Variants in CMC1 observed in about 807,000 individuals in gnomAD.
The protein encoded by CMC1 is C-X9-C motif containing 1, also known as COX assembly mitochondrial protein homolog.
CMC1 carries 14 observed loss-of-function variants against 14.1 expected under a neutral mutation model. That is an observed-to-expected ratio of 0.99 (90% CI 0.66 to 1.55). CMC1 has a LOEUF of 1.55. Among genes scored for constraint, CMC1 ranks in the 40% most tolerant of loss-of-function variants. CMC1 has a pLI of 0.00. For synonymous variants in CMC1, 50 were observed against 38.4 expected (o/e 1.30, Z -1.12); for missense variants, 127 against 123.8 (o/e 1.03, Z -0.12).
intron 1 of CMC1, among the ~76,000 whole-genome samples, chr3:28,250,830 T>A (rs35496780): frequency 0.22 from 32,963 of 152,140 alleles, 3,732 homozygotes; most frequent in Middle Eastern, 0.28. Flanking sequence ...GAGGATTAAG[T>A]ACAGATATTA....
chr3:28,301,628 GT>G (rs1006947075), intron 2 of CMC1, among the ~76,000 whole-genome samples: 84 of 141,252 alleles, frequency 5.9e-4, no homozygotes, highest in African/African-American at 1.7e-3. Context: ...TATGGATGCT[GT>G]TTTTTTTTTT....
chr3:28,305,182 G>A (rs1040737276), intron 2 of CMC1, among the ~76,000 whole-genome samples: 2 of 152,188 alleles, frequency 1.3e-5, no homozygotes, highest in Non-Finnish European at 2.9e-5. Flanking sequence ...GACAACATGC[G>A]GTATTTGTCT....
At chr3:28,296,107 T>G (rs917127296) in intron 2 of CMC1, among the ~76,000 whole-genome samples, 36 of 152,214 alleles carry the variant, frequency 2.4e-4, no homozygotes, top group Admixed American at 2.2e-3. Context: ...GTTAGAAATC[T>G]GAATTACTCT....
rs113940627 is a variant in CMC1, at chr3:28,284,531, T to A, written c.109+21151T>A. 4.1e-3 allele frequency among the ~76,000 whole-genome samples: 622 copies of A among 152,260 alleles called. 9 individuals carry two copies. Among genetic ancestry groups the A allele is most frequent in the African/African-American group, 0.014 (600 of 41,562 alleles). ...ATAATTGCATTTTTTTTCCCAAAGC[T>A]TTCAAGGTGATTTGAATGTGCATCC... is the stretch of plus-strand genomic sequence containing the variant. On this transcript the variant is annotated intron_variant, in intron 2 of 3. Coordinates refer to ENST00000466830, the MANE Select transcript of CMC1 (RefSeq NM_182523.2).
chr3:28,321,819 CT>C lies in CMC1; in HGVS notation c.*2193del, dbSNP rs898832282. 8 of 151,308 alleles carry C rather than the reference CT, an allele frequency of 5.3e-5. No individual in the cohort carries two copies. The highest frequency in any genetic ancestry group is 1.2e-4 in the Non-Finnish European group (8 of 67,512). 9.4% of individuals were successfully genotyped at this position (151,308 alleles called of 1,614,324 possible). A position where few individuals can be genotyped will look rare whatever the true frequency, so the allele number is the denominator to read the frequency against. On this transcript the variant is annotated 3_prime_UTR_variant, in exon 4 of 4. Transcript: ENST00000466830. ...GTAAGTCTTACAGATGTAAATTTTACTTTAGCTAATAAGGGAGCAAGAGGAA... is the reference window on the plus strand; with the variant it reads ...GTAAGTCTTACAGATGTAAATTTTACTTAGCTAATAAGGGAGCAAGAGGAA...
At chr3:28,302,779 T>C (rs1680918971) in intron 2 of CMC1, among the ~76,000 whole-genome samples, 1 of 152,190 alleles carries the variant, frequency 6.6e-6, no homozygotes, top group African/African-American at 2.4e-5. Context: ...CCTTATTCTT[T>C]CCTGTGGTAG....
intron 1 of CMC1, among the ~76,000 whole-genome samples, chr3:28,248,771 A>G (rs950315030): frequency 3.9e-5 from 6 of 151,952 alleles, no homozygotes; most frequent in Non-Finnish European, 7.4e-5. Context: ...CTCCCCGACA[A>G]TCCTCTGTTC....
At chr3:28,262,440 A>C (rs571803399) in intron 1 of CMC1, among the ~76,000 whole-genome samples, 1 of 152,258 alleles carries the variant, frequency 6.6e-6, no homozygotes, top group South Asian at 2.1e-4. Flanking sequence ...GCCTGAAGGC[A>C]GCAGAGGAGG....
chr3:28,311,673 C>T (rs192284160), intron 2 of CMC1, among the ~76,000 whole-genome samples: 22 of 152,280 alleles, frequency 1.4e-4, no homozygotes, highest in Middle Eastern at 3.4e-3. Context: ...AGCACTTAGG[C>T]GTCGTCTATA....
intron 2 of CMC1, among the ~76,000 whole-genome samples, chr3:28,285,627 A>G (rs796326683): frequency 1.1e-4 from 16 of 152,128 alleles, no homozygotes; most frequent in African/African-American, 3.9e-4. Flanking sequence ...TCCTCCCTAC[A>G]CAATATATCC....
chr3:28,263,550 A>G (rs1258254245), intron 2 of CMC1, among the ~76,000 whole-genome samples, 170 bp downstream of exon 2: 2 of 152,146 alleles, frequency 1.3e-5, no homozygotes, highest in Non-Finnish European at 2.9e-5. Flanking sequence ...GTGATGTTCA[A>G]TTCATTTACA....
At chr3:28,303,968 A>C (rs932324447) in intron 2 of CMC1, among the ~76,000 whole-genome samples, 3 of 152,164 alleles carry the variant, frequency 2.0e-5, no homozygotes, top group Non-Finnish European at 4.4e-5. Context: ...GAAGATAACT[A>C]AGCCTAGAAT....
intron 2 of CMC1, among the ~76,000 whole-genome samples, chr3:28,274,731 G>A (rs1205170841): frequency 6.6e-6 from 1 of 151,690 alleles, no homozygotes; most frequent in Non-Finnish European, 1.5e-5. Flanking sequence ...CATACTTCCT[G>A]TCTCTTTCAG....
At chr3:28,286,274 G>A (rs1353474747) in intron 2 of CMC1, among the ~76,000 whole-genome samples, 3 of 152,224 alleles carry the variant, frequency 2.0e-5, no homozygotes, top group Admixed American at 6.5e-5. Context: ...TAATGAAATA[G>A]CGTTAACTTA....
intron 2 of CMC1, among the ~76,000 whole-genome samples, chr3:28,275,570 G>A (rs1039502619): frequency 3.9e-5 from 6 of 151,978 alleles, no homozygotes; most frequent in African/African-American, 9.7e-5. Context: ...GCAACCCCCC[G>A]ATTGGGTCTC....
intron 2 of CMC1, among the ~76,000 whole-genome samples, chr3:28,265,254 T>A (rs1021993816): frequency 1.3e-5 from 2 of 152,034 alleles, no homozygotes; most frequent in African/African-American, 4.8e-5. Flanking sequence ...ATGTATTGAT[T>A]TTTTAGGCCA....
rs75008615 is a variant in CMC1, at chr3:28,254,768, A to T, written c.20-8523A>T. ...GTATAGATGAAAATTATATATGTGA[A>T]AAAAAGTAACAATTTGAAATTAATT... is the stretch of plus-strand genomic sequence containing the variant. On this transcript the variant is annotated intron_variant, in intron 1 of 3. Coordinates refer to ENST00000466830, the MANE Select transcript of CMC1 (RefSeq NM_182523.2). Among the ~76,000 whole-genome samples the T allele has an allele frequency of 1.5e-3, 227 of 152,296 alleles. 6 individuals are homozygous for T. In the East Asian group the frequency reaches 0.038, roughly 25 times the overall value.
intron 2 of CMC1, among the ~76,000 whole-genome samples, chr3:28,307,780 T>C (rs1468587904): frequency 6.6e-6 from 1 of 152,204 alleles, no homozygotes; most frequent in African/African-American, 2.4e-5. Flanking sequence ...TTAGTAGCTT[T>C]ATTAAGACAA....
chr3:28,276,404 T>C (rs999942310), intron 2 of CMC1, among the ~76,000 whole-genome samples: 3 of 152,308 alleles, frequency 2.0e-5, no homozygotes, highest in Non-Finnish European at 2.9e-5. Flanking sequence ...ATTACGTATC[T>C]TGAAATTTTA....
Sources: allele counts gnomAD v4.1 joint callset (sites outside exome capture counted in the v4.1 genomes callset), GRCh38; gene constraint gnomAD v4.1.1; transcripts MANE v1.5; gene names NCBI Gene and HGNC (gene_info 2026-07-23, HGNC 2026-07-21).